Variants in FSTL4 observed in about 807,000 individuals in gnomAD.
FSTL4 encodes the protein follistatin like 4, also known as follistatin-related protein 4.
FSTL4 carries 28 observed loss-of-function variants against 78.2 expected under a neutral mutation model. The ratio of observed to expected loss-of-function variants is 0.36; its 90% confidence interval spans 0.27 to 0.49. FSTL4 has a LOEUF of 0.49. Ranked by LOEUF, FSTL4 falls within the 20% of genes least tolerant of loss-of-function variation. The probability of loss-of-function intolerance (pLI) is 0.98; values close to 1 mark genes in which losing one functional copy is unlikely to be tolerated. For synonymous variants in FSTL4, 422 were observed against 440.5 expected, an observed-to-expected ratio of 0.96 and a Z score of 0.53; for missense variants, 922 against 1,084.9, an observed-to-expected ratio of 0.85 and a Z score of 2.11.
At chr5:133,564,601 G>A (rs2112941361) in intron 3 of FSTL4, among the ~76,000 whole-genome samples, 1 of 152,306 alleles carries the variant, frequency 6.6e-6, no homozygotes, top group African/African-American at 2.4e-5. Flanking sequence ...AAATTAACCT[G>A]ATAGGAGCCC....
At chr5:133,215,784 G>A (rs967067829) in intron 13 of FSTL4, among the ~76,000 whole-genome samples, 52 of 152,182 alleles carry the variant, frequency 3.4e-4, no homozygotes, top group African/African-American at 1.2e-3. Flanking sequence ...TGCATTTCTT[G>A]TATCCCTTGG....
chr5:133,610,738 G>A (rs1561486338), intron 1 of FSTL4, among the ~76,000 whole-genome samples: 1 of 152,216 alleles, frequency 6.6e-6, no homozygotes, highest in Non-Finnish European at 1.5e-5. Flanking sequence ...AGAAACTGGC[G>A]CCTGGCTCCC....
chr5:133,198,438 C>G lies in FSTL4; in HGVS notation c.*657G>C, dbSNP rs535271758. The G allele has an allele frequency of 6.6e-6, 1 of 152,194 alleles. No individual in the cohort carries two copies. Among genetic ancestry groups the G allele is most frequent in the East Asian group, 1.9e-4 (1 of 5,182 alleles). The allele number at this position is 152,194 out of a possible 1,614,324, so 9.4% of individuals were successfully genotyped here. On this transcript the variant is annotated 3_prime_UTR_variant, in exon 16 of 16. Transcript: ENST00000265342. Reference sequence around the variant, plus strand: ...GGCAGGGAAGGATATAGTTGGACCTCGGAGAGCATCTTTCTGCTTACTAGC... The same window carrying G: ...GGCAGGGAAGGATATAGTTGGACCTGGGAGAGCATCTTTCTGCTTACTAGC...
chr5:133,738,354 C>T, the FSTL4 span, among the ~76,000 whole-genome samples: 6 of 152,336 alleles, frequency 3.9e-5, no homozygotes, highest in East Asian at 1.9e-4. Context: ...ATAACTCAGA[C>T]CTCAGTCTCC....
chr5:133,543,871 A>G (rs1176814917), intron 3 of FSTL4, among the ~76,000 whole-genome samples: 1 of 151,616 alleles, frequency 6.6e-6, no homozygotes, highest in Non-Finnish European at 1.5e-5. Context: ...TTCTTCCTAG[A>G]TTTTTTGAAT....
At chr5:133,774,868 T>C in the FSTL4 span, among the ~76,000 whole-genome samples, 357 of 152,292 alleles carry the variant, frequency 2.3e-3, no homozygotes, top group Non-Finnish European at 4.2e-3. Context: ...TAGCAAGACA[T>C]GCATGCCAGA....
chr5:133,817,278 C>T, the FSTL4 span, among the ~76,000 whole-genome samples: 3,454 of 152,312 alleles, frequency 0.023, 58 homozygotes, highest in Non-Finnish European at 0.035. Flanking sequence ...GTGTGCAAAC[C>T]TTGTCTTGTC....
intron 2 of FSTL4, among the ~76,000 whole-genome samples, chr5:133,567,492 G>C (rs1305011743): frequency 6.6e-6 from 1 of 152,214 alleles, no homozygotes; most frequent in Non-Finnish European, 1.5e-5. Flanking sequence ...CTTATTTGGA[G>C]TATGGGCTGG....
At chr5:133,460,549 C>A (rs895196259) in intron 3 of FSTL4, among the ~76,000 whole-genome samples, 2 of 152,150 alleles carry the variant, frequency 1.3e-5, no homozygotes, top group Non-Finnish European at 2.9e-5. Flanking sequence ...GCCTAATAGT[C>A]GCAAGCCTCA....
chr5:133,339,014 C>A (rs1406833231), intron 4 of FSTL4, among the ~76,000 whole-genome samples: 1 of 152,176 alleles, frequency 6.6e-6, no homozygotes, highest in Non-Finnish European at 1.5e-5. Flanking sequence ...GCTCCCACTG[C>A]CTTCGGGCTG....
chr5:133,743,519 C>T, the FSTL4 span, among the ~76,000 whole-genome samples: 6 of 152,000 alleles, frequency 3.9e-5, no homozygotes, highest in East Asian at 1.9e-4. Context: ...TCTACCTGTA[C>T]GAAAAGATTG....
At chr5:133,222,455 A>G (rs1751170703) in intron 11 of FSTL4, among the ~76,000 whole-genome samples, 1 of 152,120 alleles carries the variant, frequency 6.6e-6, no homozygotes, top group South Asian at 2.1e-4. Context: ...CACCTGACAA[A>G]CTGCTTCCAC....
At chr5:133,421,557 C>G (rs530615054) in intron 3 of FSTL4, among the ~76,000 whole-genome samples, 1 of 152,240 alleles carries the variant, frequency 6.6e-6, no homozygotes, top group African/African-American at 2.4e-5. Flanking sequence ...GTGCATTCCA[C>G]GGGGTGGCCA....
At chr5:133,608,524 C>T (rs1031135863) in intron 1 of FSTL4, among the ~76,000 whole-genome samples, 1 of 152,186 alleles carries the variant, frequency 6.6e-6, no homozygotes, top group African/African-American at 2.4e-5. Context: ...GGCATCCTGC[C>T]CCCAGGGCAA....
At chr5:133,281,218 G>C (rs936863998) in intron 6 of FSTL4, among the ~76,000 whole-genome samples, 2 of 152,130 alleles carry the variant, frequency 1.3e-5, no homozygotes, top group Non-Finnish European at 2.9e-5. Flanking sequence ...CCTGGGCCTG[G>C]TATTTGTGAT....
chr5:133,816,360 G>A, the FSTL4 span, among the ~76,000 whole-genome samples: 1 of 152,184 alleles, frequency 6.6e-6, no homozygotes, highest in Non-Finnish European at 1.5e-5. Flanking sequence ...CTGTCCAGGT[G>A]ACCTGCTTAG....
the FSTL4 span, among the ~76,000 whole-genome samples, chr5:133,648,392 C>T: frequency 6.6e-6 from 1 of 152,326 alleles, no homozygotes; most frequent in Admixed American, 6.5e-5. Flanking sequence ...AGCAACTGGA[C>T]AAGGAGGGTA....
At chr5:133,646,485 G>T in the FSTL4 span, among the ~76,000 whole-genome samples, 18,016 of 152,040 alleles carry the variant, frequency 0.12, 1,169 homozygotes, top group Admixed American at 0.22. Context: ...ATGGAATGCC[G>T]TGAGCTAATT....
chr5:133,751,229 C>G, the FSTL4 span, among the ~76,000 whole-genome samples: 2 of 152,166 alleles, frequency 1.3e-5, no homozygotes, highest in African/African-American at 4.8e-5. Context: ...CAAGAAGACC[C>G]CAGGAAACAG....
Sources: allele counts gnomAD v4.1 joint callset (sites outside exome capture counted in the v4.1 genomes callset), GRCh38; gene constraint gnomAD v4.1.1; transcripts MANE v1.5; gene names NCBI Gene and HGNC (gene_info 2026-07-23, HGNC 2026-07-21).